Variants in THEMIS observed in about 807,000 individuals in gnomAD.
THEMIS encodes the protein protein THEMIS.
Under a neutral mutation model 52.6 loss-of-function variants are expected in THEMIS, and 37 were observed. That is an observed-to-expected ratio of 0.70 (90% CI 0.54 to 0.93). THEMIS has a LOEUF of 0.93. Ranked by LOEUF, THEMIS falls within the 40% of genes least tolerant of loss-of-function variation. The probability of loss-of-function intolerance (pLI) is 0.00; values close to 1 mark genes in which losing one functional copy is unlikely to be tolerated. For synonymous variants in THEMIS, 292 were observed against 272.7 expected, an observed-to-expected ratio of 1.07 and a Z score of -0.70; for missense variants, 808 against 763.1, an observed-to-expected ratio of 1.06 and a Z score of -0.69.
chr6:127,788,783 A>C (rs751303494), intron 4 of THEMIS, among the ~76,000 whole-genome samples: 9 of 151,966 alleles, frequency 5.9e-5, no homozygotes, highest in Admixed American at 5.2e-4. Context: ...ACCCCTCCCT[A>C]CTCTCCAGGA....
intron 4 of THEMIS, among the ~76,000 whole-genome samples, chr6:127,747,256 A>T (rs1583227697): frequency 7.1e-6 from 1 of 140,396 alleles, no homozygotes; most frequent in South Asian, 2.2e-4. Flanking sequence ...GCTATCTATA[A>T]TTATAGCTAT....
intron 2 of THEMIS, among the ~76,000 whole-genome samples, chr6:127,838,675 T>A (rs1778948413): frequency 6.6e-6 from 1 of 152,116 alleles, no homozygotes. Context: ...TCTTTTGCTA[T>A]GGTATAATGT....
At chr6:127,775,318 T>A (rs1027545182) in intron 4 of THEMIS, among the ~76,000 whole-genome samples, 4 of 152,360 alleles carry the variant, frequency 2.6e-5, no homozygotes, top group Admixed American at 6.5e-5. Context: ...TGTGGACTTG[T>A]GTACAAATTA....
chr6:127,767,140 G>T, intron 4 of THEMIS, among the ~76,000 whole-genome samples: 1 of 150,510 alleles, frequency 6.6e-6, no homozygotes, highest in Admixed American at 6.6e-5. Flanking sequence ...CACCCAGGCT[G>T]GAGTGCAGTG....
intron 4 of THEMIS, among the ~76,000 whole-genome samples, chr6:127,780,209 A>G (rs921107477): frequency 2.0e-5 from 3 of 152,098 alleles, no homozygotes; most frequent in African/African-American, 7.2e-5. Flanking sequence ...ATCAGAGACT[A>G]TGTTTGCAGG....
upstream of THEMIS, among the ~76,000 whole-genome samples, chr6:127,902,324 C>A (rs1430737679): frequency 1.5e-3 from 162 of 109,676 alleles, no homozygotes; most frequent in South Asian, 2.1e-3. Flanking sequence ...GACTCTGTCT[C>A]AAAAAAAAAA....
intron 4 of THEMIS, among the ~76,000 whole-genome samples, chr6:127,738,487 T>C (rs1775084176): frequency 6.6e-6 from 1 of 152,074 alleles, no homozygotes; most frequent in Non-Finnish European, 1.5e-5. Flanking sequence ...ACAACTAGAG[T>C]TGTCAATTTA....
intron 4 of THEMIS, among the ~76,000 whole-genome samples, chr6:127,757,884 A>C (rs1330664405): frequency 1.3e-5 from 2 of 152,162 alleles, no homozygotes; most frequent in Non-Finnish European, 2.9e-5. Flanking sequence ...GAGAGCGATC[A>C]GGTAATAAAG....
At chr6:127,778,581 C>A (rs1016710145) in intron 4 of THEMIS, among the ~76,000 whole-genome samples, 5 of 152,060 alleles carry the variant, frequency 3.3e-5, no homozygotes, top group Non-Finnish European at 5.9e-5. Context: ...ATGTTTAACT[C>A]TTTTAGATTT....
chr6:127,894,135 A>G (rs1409701924), intron 1 of THEMIS, among the ~76,000 whole-genome samples: 1 of 152,140 alleles, frequency 6.6e-6, no homozygotes, highest in Non-Finnish European at 1.5e-5. Flanking sequence ...GATTAAGCAT[A>G]TGAAAAATAA....
chr6:127,710,681 G>T (rs976233495), intron 5 of THEMIS, among the ~76,000 whole-genome samples: 16 of 152,002 alleles, frequency 1.1e-4, no homozygotes, highest in African/African-American at 3.9e-4. Flanking sequence ...AATAGGAATT[G>T]TGCCTATCTT....
chr6:127,710,985 CCCTCCCTT>C (rs1456871633), intron 5 of THEMIS, among the ~76,000 whole-genome samples: 5 of 123,276 alleles, frequency 4.1e-5, no homozygotes, highest in Non-Finnish European at 7.9e-5. Flanking sequence ...CTCCCTCCCT[CCCTCCCTT>C]CCTTCCTTCC....
At chr6:127,760,185 G>A (rs898162645) in intron 4 of THEMIS, among the ~76,000 whole-genome samples, 11 of 151,018 alleles carry the variant, frequency 7.3e-5, no homozygotes, top group Admixed American at 2.0e-4. Context: ...TCAAAGATAC[G>A]TTGACCATAT....
chr6:127,902,893 G>A (rs1781180359), upstream of THEMIS, among the ~76,000 whole-genome samples: 2 of 151,998 alleles, frequency 1.3e-5, no homozygotes, highest in Non-Finnish European at 2.9e-5. Context: ...TCTAATGCAA[G>A]CTGGATATCA....
chr6:127,907,336 G>GTTTTTTT (rs1444629822), intron 1 of THEMIS, among the ~76,000 whole-genome samples: 2 of 28,600 alleles, frequency 7.0e-5, no homozygotes, highest in South Asian at 9.0e-4. Flanking sequence ...ATTAGGCTCG[G>GTTTTTTT]ATTTTTTTTT....
intron 1 of THEMIS, among the ~76,000 whole-genome samples, chr6:127,882,302 G>A (rs1780510004): frequency 6.6e-6 from 1 of 151,768 alleles, no homozygotes; most frequent in Non-Finnish European, 1.5e-5. Flanking sequence ...CCCAACTGTA[G>A]GCTAATGTGA....
At chr6:127,748,699 G>T (rs960275498) in intron 4 of THEMIS, among the ~76,000 whole-genome samples, 1 of 151,816 alleles carries the variant, frequency 6.6e-6, no homozygotes, top group African/African-American at 2.4e-5. Flanking sequence ...AGCAAAATGG[G>T]AATCAAAAAA....
At chr6:127,791,353 G>T (rs979302206) in intron 4 of THEMIS, among the ~76,000 whole-genome samples, 1 of 152,046 alleles carries the variant, frequency 6.6e-6, no homozygotes, top group Non-Finnish European at 1.5e-5. Flanking sequence ...TGATTGTCCC[G>T]TTGTCCACTC....
chr6:127,829,358 C>G, intron 3 of THEMIS, 118 bp downstream of exon 3: 1 of 788,256 alleles, frequency 1.3e-6, no homozygotes, highest in Non-Finnish European at 2.0e-6. Flanking sequence ...GAATCTAACT[C>G]TCACAGGCTC....
Sources: allele counts gnomAD v4.1 joint callset (sites outside exome capture counted in the v4.1 genomes callset), GRCh38; gene constraint gnomAD v4.1.1; transcripts MANE v1.5; gene names NCBI Gene and HGNC (gene_info 2026-07-23, HGNC 2026-07-21).